The following MRC1 variants were observed in gnomAD, a reference collection of about 807,000 sequenced individuals.
The protein encoded by MRC1 is mannose receptor C-type 1.
Under a neutral mutation model 102.9 loss-of-function variants are expected in MRC1, and 62 were observed. The ratio of observed to expected loss-of-function variants is 0.60; its 90% CI spans 0.49 to 0.74. The LOEUF (loss-of-function observed/expected upper bound fraction) is 0.74. Ranked by LOEUF, MRC1 falls within the 30% of genes least tolerant of loss-of-function variation. The probability of loss-of-function intolerance (pLI) is 0.00; values close to 1 mark genes in which losing one functional copy is unlikely to be tolerated. For synonymous variants in MRC1, 457 were observed against 298.4 expected (o/e 1.53, Z -5.48); for missense variants, 1,237 against 862.8 (o/e 1.43, Z -5.43).
At position 17,907,661 on chromosome 10, in the gene MRC1, T is replaced by C. The variant is rs1228717830; in HGVS notation, c.4041T>C (p.Cys1347=). 25 of 780,864 alleles carry C rather than the reference T, an allele frequency of 3.2e-5. No individual in the cohort carries two copies. Among genetic ancestry groups the C allele is most frequent in the Non-Finnish European group, 5.7e-5 (24 of 417,952 alleles). The allele number at this position is 780,864 out of a possible 1,614,324, so 48.4% of individuals were successfully genotyped here. Residue 1347 remains cysteine (C), a synonymous_variant, in exon 28 of 30, where the codon TGT becomes TGC. Transcript: ENST00000569591. ...CTGGGTTTTGGAGTAATATTCACTG[T>C]TCATCCTACAAAGGATATATTTGTA... ...ASSGFWSNIH[C]SSYKGYICKR...
chr10:17,814,885 G>A (rs1270434098), intron 1 of MRC1, among the ~76,000 whole-genome samples: 9 of 151,600 alleles, frequency 5.9e-5, no homozygotes, highest in South Asian at 4.2e-4. Context: ...GGCTGATCTC[G>A]AACTCCTGAC....
At chr10:17,847,393 C>G (rs898079930) in intron 6 of MRC1, among the ~76,000 whole-genome samples, 4 of 152,206 alleles carry the variant, frequency 2.6e-5, no homozygotes, top group African/African-American at 9.6e-5. Flanking sequence ...TCAGTACATT[C>G]TTATTCCTCC....
At chr10:17,845,101 A>G (rs782272223) in intron 5 of MRC1, 188 bp from the exon 6 acceptor site, 7 of 777,328 alleles carry the variant, frequency 9.0e-6, no homozygotes, top group East Asian at 2.4e-5. Flanking sequence ...TCCAACGATA[A>G]GAAAACAATA....
chr10:17,826,462 A>G (rs1838477439), intron 2 of MRC1, among the ~76,000 whole-genome samples: 1 of 152,194 alleles, frequency 6.6e-6, no homozygotes, highest in African/African-American at 2.4e-5. Context: ...TTGGCCTCTC[A>G]AAGCGCTGGG....
chr10:17,903,401 T>TTC (rs1833856313), intron 26 of MRC1, among the ~76,000 whole-genome samples: 2 of 138,466 alleles, frequency 1.4e-5, no homozygotes, highest in Non-Finnish European at 3.1e-5. Context: ...TCTTTTTTTT[T>TTC]TTTTTTTTTT....
In MRC1 at chr10:17,844,369, C is replaced by A. The variant is rs899814291; in HGVS notation, c.917-920C>A. 9.5e-3 allele frequency among the ~76,000 whole-genome samples: 1,445 copies of A among 152,200 alleles called. 7 individuals are homozygous for A. Among genetic ancestry groups the A allele is most frequent in the Non-Finnish European group, 0.015 (1,001 of 68,004 alleles). On this transcript the variant is annotated intron_variant, in intron 5 of 29. Coordinates refer to ENST00000569591, the MANE Select transcript of MRC1 (RefSeq NM_002438.4). Reference sequence around the variant, plus strand: ...AAGTAGCTGGGATTACAGGTGCCCGCCAGCTCCCCGGCCGATTTTTTTGTA... The same window carrying A: ...AAGTAGCTGGGATTACAGGTGCCCGACAGCTCCCCGGCCGATTTTTTTGTA...
At position 17,878,184 on chromosome 10, in the gene MRC1, T is replaced by G. The variant is rs967546949; in HGVS notation, c.2618+217T>G. Reference sequence around the variant, plus strand: ...AACAACTCAAAATTGGATTCAGTTTTGCAAAACTACACTTTTCTTTGTTTT... The same window carrying G: ...AACAACTCAAAATTGGATTCAGTTTGGCAAAACTACACTTTTCTTTGTTTT... On this transcript the variant is annotated intron_variant, in intron 18 of 29. Coordinates refer to ENST00000569591, the MANE Select transcript of MRC1 (RefSeq NM_002438.4). 6.6e-5 allele frequency among the ~76,000 whole-genome samples: 10 copies of G among 152,352 alleles called. No homozygotes were observed. In the East Asian group the frequency reaches 1.9e-3, roughly 29 times the overall value.
intron 26 of MRC1, among the ~76,000 whole-genome samples, chr10:17,905,493 T>C (rs1204608461): frequency 6.6e-6 from 1 of 152,102 alleles, no homozygotes; most frequent in African/African-American, 2.4e-5. Context: ...ATTAAAAAAA[T>C]GTTTTCTTCA....
At chr10:17,904,724 G>A (rs960859759) in intron 26 of MRC1, among the ~76,000 whole-genome samples, 127 of 152,238 alleles carry the variant, frequency 8.3e-4, no homozygotes, top group African/African-American at 3.1e-3. Context: ...CTTCCTGCTT[G>A]TGTAGTGCAT....
At chr10:17,815,230 G>A (rs1838292601) in intron 1 of MRC1, among the ~76,000 whole-genome samples, 1 of 152,088 alleles carries the variant, frequency 6.6e-6, no homozygotes, top group African/African-American at 2.4e-5. Context: ...TGTTGAACTT[G>A]GCCAAGGTCA....
intron 26 of MRC1, among the ~76,000 whole-genome samples, chr10:17,903,791 A>G (rs1833861430): frequency 1.3e-5 from 2 of 152,018 alleles, no homozygotes; most frequent in Admixed American, 1.3e-4. Context: ...TTAATTTACA[A>G]AAATCTAGTT....
chr10:17,891,658 A>G (rs983718000), intron 22 of MRC1, among the ~76,000 whole-genome samples: 1 of 152,200 alleles, frequency 6.6e-6, no homozygotes, highest in Non-Finnish European at 1.5e-5. Context: ...AGAGGTAAAT[A>G]GACATTTAGT....
intron 22 of MRC1, among the ~76,000 whole-genome samples, chr10:17,888,890 T>G (rs1833636861): frequency 6.6e-6 from 1 of 152,210 alleles, no homozygotes; most frequent in Non-Finnish European, 1.5e-5. Context: ...AATCATGGAT[T>G]TATCTATTTA....
chr10:17,819,864 G>C (rs1167324884), intron 1 of MRC1, among the ~76,000 whole-genome samples: 1 of 152,154 alleles, frequency 6.6e-6, no homozygotes, highest in Non-Finnish European at 1.5e-5. Context: ...AGGATCGCTT[G>C]AGCCTAGGAA....
chr10:17,902,066 T>C lies in MRC1; in HGVS notation c.3743T>C (p.Ile1248Thr), dbSNP rs1833836673. Reference sequence around the variant, plus strand: ...CCTTTCCATGGTCACTGTTACTATATTGAGTCCTCATATACAAGAAACTGG... The same window carrying C: ...CCTTTCCATGGTCACTGTTACTATACTGAGTCCTCATATACAAGAAACTGG... ...WIPFHGHCYY[I>T]ESSYTRNWGQ... The change falls in exon 26 of 30, where the codon ATT becomes ACT. Residue 1248 changes from isoleucine (I) to threonine (T), a missense_variant. Transcript: ENST00000569591. 10 of 780,730 alleles carry C rather than the reference T, an allele frequency of 1.3e-5. No individual in the cohort carries two copies. Among genetic ancestry groups the C allele is most frequent in the Middle Eastern group, 2.2e-4 (1 of 4,458 alleles). 48.4% of individuals were successfully genotyped at this position (780,730 alleles called of 1,614,324 possible). A position where few individuals can be genotyped will look rare whatever the true frequency, so the allele number is the denominator to read the frequency against.
intron 4 of MRC1, among the ~76,000 whole-genome samples, chr10:17,839,480 CTTT>C (rs1838718001): frequency 6.6e-6 from 1 of 151,764 alleles, no homozygotes; most frequent in Non-Finnish European, 1.5e-5. Flanking sequence ...GTTAGTACAA[CTTT>C]AAAGAATTTG....
rs1833735763 is a variant in MRC1, at chr10:17,895,015, A to C, written c.3250+703A>C. ...CAGTGAAATCCCATTTCTACAAAAAATACAAAAATTATTTTGTACTTTTAC... is the reference window on the plus strand; with the variant it reads ...CAGTGAAATCCCATTTCTACAAAAACTACAAAAATTATTTTGTACTTTTAC... On this transcript the variant is annotated intron_variant, in intron 23 of 29. Transcript: ENST00000569591. 3.3e-5 allele frequency among the ~76,000 whole-genome samples: 5 copies of C among 152,258 alleles called. No homozygotes were observed. In the East Asian group the frequency reaches 9.7e-4, roughly 30 times the overall value.
chr10:17,907,060 G>A (rs1256794453), intron 27 of MRC1, 61 bp downstream of exon 27: 1 of 764,604 alleles, frequency 1.3e-6, no homozygotes, highest in Non-Finnish European at 2.4e-6. Flanking sequence ...TGTAAAACAA[G>A]GTTTCGTTTC....
Position 17,856,365 on chromosome 10 carries a change from T to C in MRC1, c.1518+13T>C. On this transcript the variant is annotated intron_variant, in intron 9 of 29. Transcript: ENST00000569591. The stretch of plus-strand genomic sequence containing the variant: ...AGGCTGCAGGAAAGTGAGTGCACCA[T>C]GCCCACAGTGACTTAAGCTGAGCAC... 1.2e-6 allele frequency: 1 copy of C among 837,216 alleles called. No individual in the cohort carries two copies. The highest frequency in any genetic ancestry group is 2.1e-6 in the Non-Finnish European group (1 of 483,254). The allele number at this position is 837,216 out of a possible 1,614,324, so 51.9% of individuals were successfully genotyped here.
Sources: gnomAD v4.1 joint callset for allele counts (sites outside exome capture counted in the v4.1 genomes callset) on GRCh38, gnomAD v4.1.1 for gene constraint, MANE v1.5 for transcripts, NCBI Gene and HGNC (gene_info 2026-07-23, HGNC 2026-07-21) for gene names.